CDYL2: variants seen among roughly 807,000 people sequenced by gnomAD.
CDYL2 encodes the protein chromodomain Y-like protein 2.
CDYL2 carries 23 observed loss-of-function variants against 49.4 expected under a neutral mutation model. That is an observed-to-expected ratio of 0.47 (90% CI 0.34 to 0.66). CDYL2 has a LOEUF of 0.66. CDYL2 is among the 30% of genes least tolerant of loss of function. CDYL2 has a pLI of 0.01. For missense variants in CDYL2, 678 were observed against 656.4 expected (o/e 1.03, Z -0.36); for synonymous variants, 360 against 268.8 (o/e 1.34, Z -3.32).
chr16:80,688,701 C>G (rs1910297207), intron 1 of CDYL2, among the ~76,000 whole-genome samples: 1 of 152,178 alleles, frequency 6.6e-6, no homozygotes, highest in South Asian at 2.1e-4. Context: ...TTCTATACAT[C>G]TTTGTGTAGG....
chr16:80,694,627 T>C (rs976674279), intron 1 of CDYL2, among the ~76,000 whole-genome samples: 1 of 152,154 alleles, frequency 6.6e-6, no homozygotes, highest in South Asian at 2.1e-4. Context: ...TATAAATATA[T>C]GTATACATGA....
At chr16:80,617,570 G>C (rs1906887655) in intron 4 of CDYL2, among the ~76,000 whole-genome samples, 1 of 152,186 alleles carries the variant, frequency 6.6e-6, no homozygotes, top group Admixed American at 6.5e-5. Flanking sequence ...CAACTCCAGA[G>C]TGTGGCCTCC....
intron 1 of CDYL2, among the ~76,000 whole-genome samples, chr16:80,780,394 TATC>T: frequency 6.9e-6 from 1 of 145,962 alleles, no homozygotes; most frequent in Non-Finnish European, 1.5e-5. Flanking sequence ...AGATGCACAA[TATC>T]TTTTTTTTTT....
intron 1 of CDYL2, among the ~76,000 whole-genome samples, chr16:80,754,320 G>A (rs1374584524): frequency 6.6e-6 from 1 of 152,160 alleles, no homozygotes; most frequent in Non-Finnish European, 1.5e-5. Flanking sequence ...GAGATATCCA[G>A]AATATATGGC....
At chr16:80,737,361 A>G (rs1252950709) in intron 1 of CDYL2, among the ~76,000 whole-genome samples, 3 of 152,174 alleles carry the variant, frequency 2.0e-5, no homozygotes, top group Non-Finnish European at 4.4e-5. Flanking sequence ...CCTTGGAACA[A>G]CCTTAAAAGG....
At chr16:80,763,371 A>G (rs12103171) in intron 1 of CDYL2, among the ~76,000 whole-genome samples, 43,894 of 143,184 alleles carry the variant, frequency 0.31, 8,922 homozygotes, top group African/African-American at 0.56. Flanking sequence ...AGCACTTTGG[A>G]AGGCCGAGGC....
intron 1 of CDYL2, among the ~76,000 whole-genome samples, chr16:80,712,082 T>C (rs937207606): frequency 6.7e-5 from 10 of 148,308 alleles, no homozygotes; most frequent in Admixed American, 6.7e-4. Flanking sequence ...TGTATATAGA[T>C]GTGTGTGTAT....
intron 1 of CDYL2, among the ~76,000 whole-genome samples, chr16:80,798,335 G>A (rs1359878648): frequency 6.6e-6 from 1 of 152,176 alleles, no homozygotes; most frequent in African/African-American, 2.4e-5. Flanking sequence ...GAGCCACAGT[G>A]CCCGGCCTGT....
At chr16:80,646,676 G>C (rs4462607) in intron 2 of CDYL2, among the ~76,000 whole-genome samples, 77,956 of 151,668 alleles carry the variant, frequency 0.51, 22,054 homozygotes, top group African/African-American at 0.75. Flanking sequence ...GTAATCCCAG[G>C]TACTCAGGAG....
At chr16:80,608,308 G>A (rs1906439413) in intron 5 of CDYL2, 73 bp from the exon 6 acceptor site, 4 of 1,434,038 alleles carry the variant, frequency 2.8e-6, no homozygotes, top group Non-Finnish European at 3.7e-6. Flanking sequence ...TCCAGGGCTT[G>A]CCACCTGCAA....
intron 1 of CDYL2, among the ~76,000 whole-genome samples, chr16:80,727,794 A>ACCCCTG (rs1905212058): frequency 5.9e-5 from 9 of 152,170 alleles, no homozygotes; most frequent in Admixed American, 5.9e-4. Context: ...CCTGACCCCT[A>ACCCCTG]ACCCCCGAGC....
At chr16:80,766,641 G>C (rs1049421193) in intron 1 of CDYL2, among the ~76,000 whole-genome samples, 2 of 152,168 alleles carry the variant, frequency 1.3e-5, no homozygotes, top group Non-Finnish European at 2.9e-5. Context: ...AAGATTCCAA[G>C]AGGTGCAGAA....
chr16:80,794,383 A>C (rs1039281430), intron 1 of CDYL2, among the ~76,000 whole-genome samples: 1 of 152,154 alleles, frequency 6.6e-6, no homozygotes, highest in African/African-American at 2.4e-5. Flanking sequence ...TTTTCTAAGA[A>C]CACTGAAGAA....
intron 3 of CDYL2, chr16:80,632,608 C>A (rs980248856): frequency 2.5e-5 from 5 of 203,276 alleles, no homozygotes; most frequent in Non-Finnish European, 4.1e-5. Flanking sequence ...TATGTAGTAA[C>A]ATATATATGT....
chr16:80,716,064 T>C (rs1904788454), intron 1 of CDYL2, among the ~76,000 whole-genome samples: 1 of 152,250 alleles, frequency 6.6e-6, no homozygotes, highest in Non-Finnish European at 1.5e-5. Flanking sequence ...CATGGGATCA[T>C]TATAAGGATG....
intron 2 of CDYL2, among the ~76,000 whole-genome samples, chr16:80,670,212 C>G (rs897156301): frequency 6.6e-6 from 1 of 152,180 alleles, no homozygotes. Context: ...GTGTCCCCAC[C>G]CAAATCTCAT....
chr16:80,608,645 G>T lies in CDYL2; in HGVS notation c.1219-410C>A, dbSNP rs1364561665. Among the ~76,000 whole-genome samples the T allele has an allele frequency of 3.3e-5, 5 of 152,274 alleles. No individual in the cohort carries two copies. The South Asian group carries it at 6.2e-4, about 19-fold the overall frequency. On this transcript the variant is annotated intron_variant, in intron 5 of 6. Transcript: ENST00000570137. ...GAGATGCTCCCTTCTAGATAATAAAGCTCAAGTGGGGTTTCCAGCTGCAGG... is the reference window on the plus strand; with the variant it reads ...GAGATGCTCCCTTCTAGATAATAAATCTCAAGTGGGGTTTCCAGCTGCAGG...
chr16:80,622,689 G>A lies in CDYL2; in HGVS notation c.835-1754C>T, dbSNP rs1055097757. ...AACTTCAGAGGAAATTAGGCAGGCT[G>A]CTTGCTCACCCACCTAGAAGCTTTT... On this transcript the variant is annotated intron_variant, in intron 3 of 6. Coordinates refer to ENST00000570137, the MANE Select transcript of CDYL2 (RefSeq NM_152342.4). Among the ~76,000 whole-genome samples, 22 of 152,244 alleles carry A rather than the reference G, an allele frequency of 1.4e-4. 2 individuals are homozygous for A. Among genetic ancestry groups the A allele is most frequent in the Middle Eastern group, 6.8e-3 (2 of 294 alleles).
Position 80,652,752 on chromosome 16 carries a change from C to T in CDYL2, c.617-19516G>A, listed in dbSNP as rs77325199. Among the ~76,000 whole-genome samples the T allele has an allele frequency of 8.9e-3, 1,353 of 152,184 alleles. 9 individuals carry two copies. Among genetic ancestry groups the T allele is most frequent in the Non-Finnish European group, 0.014 (972 of 68,006 alleles). On this transcript the variant is annotated intron_variant, in intron 2 of 6. Coordinates refer to ENST00000570137, the MANE Select transcript of CDYL2 (RefSeq NM_152342.4). Reference sequence around the variant, plus strand: ...AGGATGTGATGAGAATGGCACTTACCCTCTGGGGTCCCTCCTCCCAAAAAC... The same window carrying T: ...AGGATGTGATGAGAATGGCACTTACTCTCTGGGGTCCCTCCTCCCAAAAAC...
Sources: allele counts gnomAD v4.1 joint callset (sites outside exome capture counted in the v4.1 genomes callset), GRCh38; gene constraint gnomAD v4.1.1; transcripts MANE v1.5; gene names NCBI Gene and HGNC (gene_info 2026-07-23, HGNC 2026-07-21).